Variants in NOD2 observed in about 807,000 individuals in gnomAD.
NOD2 encodes nucleotide-binding oligomerization domain-containing protein 2.
A neutral mutation model predicts 90.9 loss-of-function variants in NOD2; 86 were observed. That is an observed-to-expected ratio of 0.95 (90% CI 0.79 to 1.13). NOD2 has a LOEUF of 1.13. Ranked by LOEUF, NOD2 falls within the 50% of genes most tolerant of loss-of-function variation. NOD2 has a pLI of 0.00. For synonymous variants in NOD2, 581 were observed against 554.6 expected, an observed-to-expected ratio of 1.05 and a Z score of -0.67; for missense variants, 1,238 against 1,283.8, an observed-to-expected ratio of 0.96 and a Z score of 0.55.
In NOD2 at chr16:50,716,622, G is replaced by A; in HGVS notation, c.2417G>A (p.Cys806Tyr). Reference sequence around the variant, plus strand: ...AACAATATCTCAGACCGAGGCATCTGCAAGCTCATTGAATGTGCTCTTCAC... The same window carrying A: ...AACAATATCTCAGACCGAGGCATCTACAAGCTCATTGAATGTGCTCTTCAC... Reference protein sequence around the residue: ...RDNNISDRGICKLIECALHCE... With the variant: ...RDNNISDRGIYKLIECALHCE... Residue 806 changes from cysteine to tyrosine, a missense_variant, in exon 5 of 12, where the codon TGC (cysteine) becomes TAC (tyrosine). Physicochemically the swap from Cys to Tyr is radical, Grantham distance 194. Around this residue, in one of 3 missense-constraint regions of NOD2, gnomAD observed 667 missense variants for 688.7 expected, o/e 0.97. Coordinates refer to ENST00000647318, the MANE Select transcript of NOD2 (RefSeq NM_001370466.1). 1 of 1,614,196 alleles carries A rather than the reference G, an allele frequency of 6.2e-7. No homozygotes were observed. Among genetic ancestry groups the A allele is most frequent in the Non-Finnish European group, 8.5e-7 (1 of 1,180,030 alleles).
At chr16:50,708,061 G>GT in intron 3 of NOD2, 101 bp downstream of exon 3, 1 of 817,882 alleles carries the variant, frequency 1.2e-6, no homozygotes. Context: ...TATGCTGGCA[G>GT]TATAGCCTCC....
chr16:50,721,364 TG>T (rs1173961766), intron 7 of NOD2, among the ~76,000 whole-genome samples: 8 of 112,680 alleles, frequency 7.1e-5, no homozygotes, highest in Non-Finnish European at 1.8e-5. Context: ...GTAACTTGCT[TG>T]GTTTTTTTTT....
chr16:50,711,879 C>G lies in NOD2; in HGVS notation c.1887C>G (p.Asp629Glu). 2.5e-6 allele frequency: 4 copies of G among 1,609,720 alleles called. No individual in the cohort carries two copies. The highest frequency in any genetic ancestry group is 3.4e-6 in the Non-Finnish European group (4 of 1,176,510). The stretch of plus-strand genomic sequence containing the variant: ...GCATCCAGGCCTCGGAGGGAAAGGA[C>G]AGCAGCGTGGCAGCTTTGCTGCAGA... ...TMCIQASEGK[D>E]SSVAALLQKA... Residue 629 changes from aspartate to glutamate, a missense_variant, in exon 4 of 12, where the codon GAC (aspartate) becomes GAG (glutamate). Asp to Glu is a conservative substitution (Grantham distance 45). Transcript: ENST00000647318.
rs779728017 is a variant in NOD2, at chr16:50,712,022, A to G, written c.2030A>G (p.Gln677Arg). 1.2e-6 allele frequency: 2 copies of G among 1,613,186 alleles called. No homozygotes were observed. The highest frequency in any genetic ancestry group is 2.2e-5 in the South Asian group (2 of 91,070). Residue 677 changes from glutamine (Q) to arginine (R), a missense_variant, in exon 4 of 12, where the codon CAG (glutamine) becomes CGG (arginine). Gln to Arg is a conservative substitution (Grantham distance 43). Transcript: ENST00000647318. ...TCTGAGAAGGCCCTGCTCCGGCGCC[A>G]GGCCTGTGCCCGCTGGTGTCTGGCC... ...QTSEKALLRR[Q>R]ACARWCLARS... is the part of the protein sequence containing the mutation.
At chr16:50,723,441 C>A in intron 9 of NOD2, 57 bp downstream of exon 9, 1 of 1,496,804 alleles carries the variant, frequency 6.7e-7, no homozygotes, top group Non-Finnish European at 9.3e-7. Context: ...TGTTGATCCC[C>A]TGGCCTCATC....
In NOD2 at chr16:50,697,264, AG is replaced by A. The variant is rs1213629611; in HGVS notation, c.-8-2223del. ...CTTTGATGGGGGAAGAGGGTGGTTCAGCCTCTCACGATGAGGAGGAAAGAGC... is the reference window on the plus strand; with the variant it reads ...CTTTGATGGGGGAAGAGGGTGGTTCACCTCTCACGATGAGGAGGAAAGAGC... On this transcript the variant is annotated intron_variant, in intron 1 of 11. Coordinates refer to ENST00000647318, the MANE Select transcript of NOD2 (RefSeq NM_001370466.1). The A allele has an allele frequency of 2.2e-5, 34 of 1,559,268 alleles. No individual in the cohort carries two copies. Among genetic ancestry groups the A allele is most frequent in the Non-Finnish European group, 3.0e-5 (34 of 1,150,970 alleles).
intron 9 of NOD2, among the ~76,000 whole-genome samples, 173 bp from the exon 10 acceptor site, chr16:50,725,316 C>T (rs1965225698): frequency 6.6e-6 from 1 of 152,118 alleles, no homozygotes. Context: ...AGTGAATTCT[C>T]TTGCAAATAT....
intron 4 of NOD2, among the ~76,000 whole-genome samples, chr16:50,713,748 AG>A (rs1317712415): frequency 6.6e-6 from 1 of 151,996 alleles, no homozygotes; most frequent in Non-Finnish European, 1.5e-5. Flanking sequence ...GCTGGGGGGA[AG>A]GTATGGAGAC....
intron 10 of NOD2, among the ~76,000 whole-genome samples, chr16:50,727,213 G>T (rs1965298048): frequency 6.6e-6 from 1 of 151,944 alleles, no homozygotes; most frequent in African/African-American, 2.4e-5. Flanking sequence ...CAGACAGCCT[G>T]GGTCTTACCC....
Position 50,732,044 on chromosome 16 carries a change from T to C in NOD2, c.*225T>C. ...TCCCAAGCCTACTTTTGCCATTGAC[T>C]TCTTCCCAAGATTCAATCCCAGGAT... is the stretch of plus-strand genomic sequence containing the variant. On this transcript the variant is annotated 3_prime_UTR_variant, in exon 12 of 12. Transcript: ENST00000647318. 1.8e-6 allele frequency: 1 copy of C among 564,750 alleles called. No homozygotes were observed. Among genetic ancestry groups the C allele is most frequent in the Admixed American group, 2.6e-5 (1 of 38,514 alleles). The allele number at this position is 564,750 out of a possible 1,614,324, so 35.0% of individuals were successfully genotyped here.
At chr16:50,713,656 G>A (rs892831378) in intron 4 of NOD2, 1 of 151,694 alleles carries the variant, frequency 6.6e-6, no homozygotes, top group Admixed American at 6.6e-5. Context: ...TAGGAAGAGT[G>A]AGAGGGTTGG....
intron 10 of NOD2, chr16:50,727,816 C>A: frequency 2.7e-6 from 1 of 366,150 alleles, no homozygotes; most frequent in Non-Finnish European, 5.4e-6. Context: ...GAGCATACTT[C>A]TCATATGTAA....
rs887820593 is a variant in NOD2, at chr16:50,720,907, C to T, written c.2633+899C>T. On this transcript the variant is annotated intron_variant, in intron 7 of 11. Transcript: ENST00000647318. ...GCAACCTCCGCCTCCTTGGTTCAAG[C>T]GATTCACCTGCCTCAGCTTCTCAAG... Among the ~76,000 whole-genome samples the T allele has an allele frequency of 9.1e-4, 139 of 152,222 alleles. 1 individual carries two copies. The highest frequency in any genetic ancestry group is 3.4e-3 in the Middle Eastern group (1 of 294).
chr16:50,729,894 G>C lies in NOD2; in HGVS notation c.2962G>C (p.Glu988Gln), dbSNP rs1420000527. ...QALERNDTIL[E>Q]VWLRGNTFSL... Reference sequence around the variant, plus strand: ...CCTTGAAAGGAATGACACCATCCTGGAAGTCTGGTAAGGCCCCTGGGCAGG... The same window carrying C: ...CCTTGAAAGGAATGACACCATCCTGCAAGTCTGGTAAGGCCCCTGGGCAGG... The change falls in exon 11 of 12, where the codon GAA becomes CAA. Residue 988 changes from glutamate (E) to glutamine (Q), a missense_variant. Around this residue, in one of 3 missense-constraint regions of NOD2, gnomAD observed 667 missense variants for 688.7 expected, o/e 0.97. Transcript: ENST00000647318. 1.2e-6 allele frequency: 2 copies of C among 1,612,454 alleles called. No individual in the cohort carries two copies. The highest frequency in any genetic ancestry group is 1.7e-6 in the Non-Finnish European group (2 of 1,178,854).
At chr16:50,708,501 C>G (rs1440010188) in intron 3 of NOD2, among the ~76,000 whole-genome samples, 2 of 152,168 alleles carry the variant, frequency 1.3e-5, no homozygotes, top group Non-Finnish European at 2.9e-5. Flanking sequence ...TTGCAACAAC[C>G]CTGAGAAGTA....
At chr16:50,698,652 C>T (rs921538356) in intron 1 of NOD2, among the ~76,000 whole-genome samples, 1 of 152,200 alleles carries the variant, frequency 6.6e-6, no homozygotes, top group East Asian at 1.9e-4. Context: ...AGCTGTGACA[C>T]ATCGTACAAA....
chr16:50,725,166 A>G (rs746491574), intron 9 of NOD2, among the ~76,000 whole-genome samples: 4 of 152,200 alleles, frequency 2.6e-5, no homozygotes, highest in Non-Finnish European at 5.9e-5. Context: ...CCTGGCTGCA[A>G]TGGAGAGTGG....
intron 7 of NOD2, 102 bp downstream of exon 7, chr16:50,720,110 C>A: frequency 9.5e-7 from 1 of 1,054,418 alleles, no homozygotes; most frequent in Non-Finnish European, 1.4e-6. Context: ...CCAGAGGCAG[C>A]CCAGCTCCAG....
chr16:50,697,698 G>A (rs575894427), intron 1 of NOD2: 7 of 352,980 alleles, frequency 2.0e-5, no homozygotes, highest in African/African-American at 1.1e-4. Flanking sequence ...GCTTCCAGTG[G>A]CCTCTGCAGG....
Sources: allele counts gnomAD v4.1 joint callset (sites outside exome capture counted in the v4.1 genomes callset), GRCh38; gene constraint gnomAD v4.1.1; regional missense constraint gnomAD v4.1.1; transcripts MANE v1.5; gene names NCBI Gene and HGNC (gene_info 2026-07-23, HGNC 2026-07-21).